PLCXD3: variants seen among roughly 807,000 people sequenced by gnomAD.
PLCXD3 encodes PI-PLC X domain-containing protein 3.
A neutral mutation model predicts 25.5 loss-of-function variants in PLCXD3; 19 were observed. The ratio of observed to expected loss-of-function variants is 0.75; its 90% confidence interval spans 0.52 to 1.09. The LOEUF is 1.09. PLCXD3 is among the 50% of genes least tolerant of loss of function. PLCXD3 has a pLI of 0.00. For synonymous variants in PLCXD3, 174 were observed against 137.6 expected, an observed-to-expected ratio of 1.26 and a Z score of -1.85; for missense variants, 411 against 388.1, an observed-to-expected ratio of 1.06 and a Z score of -0.50.
chr5:41,484,251 A>T (rs1394226883), intron 1 of PLCXD3, among the ~76,000 whole-genome samples: 1 of 129,030 alleles, frequency 7.8e-6, no homozygotes. Context: ...ACATGCACAC[A>T]CACACACACA....
chr5:41,383,291 A>G (rs564166935), intron 1 of PLCXD3, among the ~76,000 whole-genome samples: 6 of 152,222 alleles, frequency 3.9e-5, no homozygotes, highest in Admixed American at 1.3e-4. Flanking sequence ...TCTCAACAGC[A>G]TAAACTCTTT....
chr5:41,338,339 A>C (rs1744041463), intron 2 of PLCXD3, among the ~76,000 whole-genome samples: 1 of 152,148 alleles, frequency 6.6e-6, no homozygotes, highest in Non-Finnish European at 1.5e-5. Context: ...TCATATTAAG[A>C]ACATTGAAAT....
rs1282073147 is a variant in PLCXD3 at position 41,372,296 on chromosome 5, TCTCACA to T, written c.812+9524_812+9529del. 5.5e-3 allele frequency among the ~76,000 whole-genome samples: 731 copies of T among 132,664 alleles called. 6 individuals carry two copies. Among genetic ancestry groups the T allele is most frequent in the African/African-American group, 0.018 (580 of 32,154 alleles). The allele number at this position is 132,664 out of a possible 152,430, so 87.0% of individuals were successfully genotyped here. On this transcript the variant is annotated intron_variant, in intron 2 of 2. Transcript: ENST00000377801. The stretch of plus-strand genomic sequence containing the variant: ...TATTCATTCTCTCTCTCTCTCTCTC[TCTCACA>T]CACACACACACACACACACACACAC...
intron 2 of PLCXD3, among the ~76,000 whole-genome samples, chr5:41,329,306 C>T (rs566448218): frequency 4.6e-5 from 7 of 152,228 alleles, no homozygotes; most frequent in Middle Eastern, 3.4e-3. Context: ...CGTATTTATG[C>T]GTTTGATCAA....
At chr5:41,498,511 T>C (rs1302008921) in intron 1 of PLCXD3, among the ~76,000 whole-genome samples, 1 of 151,738 alleles carries the variant, frequency 6.6e-6, no homozygotes, top group Non-Finnish European at 1.5e-5. Context: ...AGTAAGGAGA[T>C]TGATTCAGTT....
At chr5:41,380,663 T>A (rs890667536) in intron 2 of PLCXD3, among the ~76,000 whole-genome samples, 3 of 152,144 alleles carry the variant, frequency 2.0e-5, no homozygotes, top group Non-Finnish European at 4.4e-5. Flanking sequence ...TGCCTAATCT[T>A]TTCTCTTCAT....
chr5:41,449,473 C>T (rs1747578535), intron 1 of PLCXD3, among the ~76,000 whole-genome samples: 1 of 152,152 alleles, frequency 6.6e-6, no homozygotes, highest in Non-Finnish European at 1.5e-5. Context: ...GAAATGCATT[C>T]TCTCTGTGTG....
chr5:41,490,800 C>T (rs1451537107), intron 1 of PLCXD3, among the ~76,000 whole-genome samples: 2 of 151,994 alleles, frequency 1.3e-5, no homozygotes, highest in African/African-American at 2.4e-5. Flanking sequence ...TCATTTTTTA[C>T]TGCATCTATT....
At chr5:41,425,296 GTCTTTTTTTTT>G (rs1412500911) in intron 1 of PLCXD3, among the ~76,000 whole-genome samples, 1 of 150,818 alleles carries the variant, frequency 6.6e-6, no homozygotes, top group Non-Finnish European at 1.5e-5. Flanking sequence ...TCTGTCTCTT[GTCTTTTTTTTT>G]TCTTTCTGGA....
chr5:41,420,570 T>G (rs1297272870), intron 1 of PLCXD3, among the ~76,000 whole-genome samples: 1 of 152,228 alleles, frequency 6.6e-6, no homozygotes. Context: ...CCTTCCCCTC[T>G]TAGCTAGAAA....
intron 1 of PLCXD3, among the ~76,000 whole-genome samples, chr5:41,503,003 A>T (rs1305615037): frequency 6.6e-6 from 1 of 152,162 alleles, no homozygotes; most frequent in East Asian, 1.9e-4. Context: ...AGAAAGGGCC[A>T]GGACGGGTCA....
At chr5:41,363,695 T>G (rs1393341527) in intron 2 of PLCXD3, among the ~76,000 whole-genome samples, 1 of 152,234 alleles carries the variant, frequency 6.6e-6, no homozygotes, top group East Asian at 1.9e-4. Context: ...TTTGCTCACT[T>G]ACCTTATCTG....
intron 1 of PLCXD3, among the ~76,000 whole-genome samples, chr5:41,427,828 C>A (rs1490785383): frequency 6.6e-6 from 1 of 152,146 alleles, no homozygotes. Context: ...TCTCAGCCTA[C>A]AATTGAAGCA....
Position 41,351,209 on chromosome 5 carries a change from T to C in PLCXD3, c.812+30617A>G, listed in dbSNP as rs942995147. Among the ~76,000 whole-genome samples the C allele has an allele frequency of 1.1e-4, 16 of 152,194 alleles. No homozygotes were observed. In the East Asian group the frequency reaches 2.9e-3, roughly 28 times the overall value. ...AAACAAACAATCAGGGTAGAAGATA[T>C]CCTAGCTCACTAGGTCCCTCTGACA... On this transcript the variant is annotated intron_variant, in intron 2 of 2. Transcript: ENST00000377801.
intron 1 of PLCXD3, among the ~76,000 whole-genome samples, chr5:41,433,671 G>C (rs749120895): frequency 2.6e-5 from 4 of 152,144 alleles, no homozygotes; most frequent in Non-Finnish European, 5.9e-5. Context: ...AATGACAGTA[G>C]AAATCAGGAA....
At chr5:41,375,445 C>G (rs569118551) in intron 2 of PLCXD3, among the ~76,000 whole-genome samples, 3 of 152,044 alleles carry the variant, frequency 2.0e-5, no homozygotes, top group Admixed American at 6.6e-5. Context: ...AATTTTAATC[C>G]TTTCTCTGCT....
Position 41,338,001 on chromosome 5 carries a change from A to T in PLCXD3, c.813-24231T>A, listed in dbSNP as rs568342530. Reference sequence around the variant, plus strand: ...TTTTTAAGCAAATTCCTAGGAACTTAATAATGTACAATAAATATTGTCAAG... The same window carrying T: ...TTTTTAAGCAAATTCCTAGGAACTTTATAATGTACAATAAATATTGTCAAG... On this transcript the variant is annotated intron_variant, in intron 2 of 2. Coordinates refer to ENST00000377801, the MANE Select transcript of PLCXD3 (RefSeq NM_001005473.3). Among the ~76,000 whole-genome samples the T allele has an allele frequency of 2.6e-5, 4 of 152,270 alleles. No homozygotes were observed. In the East Asian group the frequency reaches 5.8e-4, roughly 22 times the overall value.
chr5:41,395,816 G>A (rs557507288), intron 1 of PLCXD3, among the ~76,000 whole-genome samples: 7 of 151,970 alleles, frequency 4.6e-5, no homozygotes, highest in Admixed American at 1.3e-4. Context: ...GTAATAAAAT[G>A]TCTCCCACTA....
At chr5:41,383,117 C>A (rs1303706256) in intron 1 of PLCXD3, among the ~76,000 whole-genome samples, 3 of 152,092 alleles carry the variant, frequency 2.0e-5, no homozygotes, top group African/African-American at 7.2e-5. Flanking sequence ...CATTCCTGAC[C>A]TTGTGTTTGG....
Sources: allele counts gnomAD v4.1 joint callset (sites outside exome capture counted in the v4.1 genomes callset), GRCh38; gene constraint gnomAD v4.1.1; transcripts MANE v1.5; gene names NCBI Gene and HGNC (gene_info 2026-07-23, HGNC 2026-07-21).